The following CMC1 variants were observed in gnomAD, a reference collection of about 807,000 sequenced individuals.
CMC1 encodes COX assembly mitochondrial protein homolog.
Under a neutral mutation model 14.1 loss-of-function variants are expected in CMC1, and 14 were observed. The observed-to-expected ratio is 0.99, with a 90% confidence interval of 0.66 to 1.55. CMC1 has a LOEUF of 1.55. Ranked by LOEUF, CMC1 falls within the 40% of genes most tolerant of loss-of-function variation. The pLI is 0.00. For synonymous variants in CMC1, 50 were observed against 38.4 expected, an observed-to-expected ratio of 1.30 and a Z score of -1.12; for missense variants, 127 against 123.8, an observed-to-expected ratio of 1.03 and a Z score of -0.12.
rs1049269803 is a variant in CMC1, at chr3:28,319,132, G to A, written c.201-377G>A. On this transcript the variant is annotated intron_variant, in intron 3 of 3. Coordinates refer to ENST00000466830, the MANE Select transcript of CMC1 (RefSeq NM_182523.2). ...TTCTGTTGGTCTTTCAAAATACAAC[G>A]CAAGCATTTCCCCTTGAAACCTCTG... 4.3e-5 allele frequency: 17 copies of A among 397,088 alleles called. No individual in the cohort carries two copies. In the East Asian group the frequency reaches 5.1e-4, roughly 12 times the overall value. The allele number at this position is 397,088 out of a possible 1,614,324, so 24.6% of individuals were successfully genotyped here. A position where few individuals can be genotyped will look rare whatever the true frequency, so the allele number is the denominator to read the frequency against.
rs1018122363 is a variant in CMC1 at position 28,282,821 on chromosome 3, C to T, written c.109+19441C>T. ...AACCTTAAAACTTTGGTTTTAATGA[C>T]AATCAAATTCAAACCAGAACGAATT... is the stretch of plus-strand genomic sequence containing the variant. On this transcript the variant is annotated intron_variant, in intron 2 of 3. Coordinates refer to ENST00000466830, the MANE Select transcript of CMC1 (RefSeq NM_182523.2). Among the ~76,000 whole-genome samples, 40 of 152,152 alleles carry T rather than the reference C, an allele frequency of 2.6e-4. 1 individual carries two copies. The highest frequency in any genetic ancestry group is 9.7e-4 in the African/African-American group (40 of 41,424).
intron 2 of CMC1, among the ~76,000 whole-genome samples, chr3:28,314,762 C>A (rs1003923353): frequency 9.2e-5 from 14 of 151,912 alleles, no homozygotes; most frequent in African/African-American, 3.4e-4. Context: ...CCCAGCAAGG[C>A]CCCCCTAATG....
chr3:28,307,350 C>T (rs144712093), intron 2 of CMC1, among the ~76,000 whole-genome samples: 5 of 152,186 alleles, frequency 3.3e-5, no homozygotes, highest in African/African-American at 1.2e-4. Flanking sequence ...ATAGCAAGAC[C>T]TTGTCTCTAG....
rs1272448290 is a variant in CMC1, at chr3:28,320,147, A to T, written c.*518A>T. The T allele has an allele frequency of 6.6e-6, 1 of 152,444 alleles. No homozygotes were observed. Among genetic ancestry groups the T allele is most frequent in the Non-Finnish European group, 1.5e-5 (1 of 68,398 alleles). 9.4% of individuals were successfully genotyped at this position (152,444 alleles called of 1,614,324 possible). On this transcript the variant is annotated 3_prime_UTR_variant, in exon 4 of 4. Transcript: ENST00000466830. ...TATTGCATATAGCAGGTACACGTAC[A>T]GTGTATAAGACAGTGCTTCAGACCT...
intron 2 of CMC1, among the ~76,000 whole-genome samples, chr3:28,313,215 G>T (rs1426573734): frequency 6.6e-6 from 1 of 152,030 alleles, no homozygotes; most frequent in African/African-American, 2.4e-5. Flanking sequence ...GATAAATTAA[G>T]AGTTTACAAA....
chr3:28,269,141 T>C (rs1700146912), intron 2 of CMC1, among the ~76,000 whole-genome samples: 1 of 152,170 alleles, frequency 6.6e-6, no homozygotes, highest in Admixed American at 6.5e-5. Context: ...ATAAACATAG[T>C]ATACATAGGA....
chr3:28,278,591 C>G (rs1050191346), intron 2 of CMC1, among the ~76,000 whole-genome samples: 1 of 152,186 alleles, frequency 6.6e-6, no homozygotes, highest in Non-Finnish European at 1.5e-5. Flanking sequence ...ATAGACCACT[C>G]TCCCTCCAGA....
intron 2 of CMC1, among the ~76,000 whole-genome samples, chr3:28,273,038 C>A (rs1229873229): frequency 6.6e-6 from 1 of 152,146 alleles, no homozygotes; most frequent in Non-Finnish European, 1.5e-5. Context: ...ATACTGGCCT[C>A]ATAAAATGAG....
chr3:28,308,798 C>T (rs576782408), intron 2 of CMC1, among the ~76,000 whole-genome samples: 1 of 152,070 alleles, frequency 6.6e-6, no homozygotes. Flanking sequence ...TCCTGGCCAA[C>T]ATGGTGAAAC....
intron 2 of CMC1, among the ~76,000 whole-genome samples, chr3:28,313,179 T>C (rs1702725238): frequency 6.6e-6 from 1 of 152,148 alleles, no homozygotes; most frequent in Non-Finnish European, 1.5e-5. Flanking sequence ...TTACCAATAG[T>C]ATATGATATT....
intron 2 of CMC1, among the ~76,000 whole-genome samples, chr3:28,290,350 C>T (rs1701407940): frequency 6.6e-6 from 1 of 151,966 alleles, no homozygotes; most frequent in Non-Finnish European, 1.5e-5. Flanking sequence ...CTGCTTGTTG[C>T]CTAATAGATT....
At chr3:28,302,675 A>G (rs1450763782) in intron 2 of CMC1, among the ~76,000 whole-genome samples, 9 of 152,188 alleles carry the variant, frequency 5.9e-5, no homozygotes, top group Admixed American at 2.0e-4. Context: ...ATACTGGAAA[A>G]CAGTATGGAA....
Position 28,283,500 on chromosome 3 carries a change from C to CAG in CMC1, c.109+20128_109+20129dup, listed in dbSNP as rs200448151. Among the ~76,000 whole-genome samples the CAG allele has an allele frequency of 4.2e-3, 562 of 135,258 alleles. 8 individuals carry two copies. Among genetic ancestry groups the CAG allele is most frequent in the African/African-American group, 0.015 (542 of 35,936 alleles). 88.7% of individuals were successfully genotyped at this position (135,258 alleles called of 152,430 possible). A position where few individuals can be genotyped will look rare whatever the true frequency, so the allele number is the denominator to read the frequency against. On this transcript the variant is annotated intron_variant, in intron 2 of 3. Coordinates refer to ENST00000466830, the MANE Select transcript of CMC1 (RefSeq NM_182523.2). ...CACCATTGCATTCCAGCTTGAGCAA[C>CAG]AGAGAGAGACTCCATCTCAACAGCA...
At chr3:28,266,414 T>C (rs1036276830) in intron 2 of CMC1, among the ~76,000 whole-genome samples, 1 of 152,132 alleles carries the variant, frequency 6.6e-6, no homozygotes, top group African/African-American at 2.4e-5. Flanking sequence ...TGACAAATAG[T>C]GTTCATATTA....
At chr3:28,258,116 G>A (rs943201473) in intron 1 of CMC1, among the ~76,000 whole-genome samples, 1 of 144,040 alleles carries the variant, frequency 6.9e-6, no homozygotes, top group Non-Finnish European at 1.5e-5. Flanking sequence ...CTTTTGTGAT[G>A]TGTCCATTCA....
At chr3:28,241,873 C>T (rs1698537221) in intron 1 of CMC1, 61 bp downstream of exon 1, 7 of 1,232,364 alleles carry the variant, frequency 5.7e-6, no homozygotes, top group Admixed American at 4.2e-5. Flanking sequence ...CGCCGCGGGC[C>T]ATGCGGGCTG....
At chr3:28,283,913 T>C (rs1701039036) in intron 2 of CMC1, among the ~76,000 whole-genome samples, 1 of 152,210 alleles carries the variant, frequency 6.6e-6, no homozygotes, top group Non-Finnish European at 1.5e-5. Context: ...GTTCATTGAA[T>C]CCTAGATTGT....
intron 1 of CMC1, among the ~76,000 whole-genome samples, chr3:28,255,983 A>G (rs1254477302): frequency 6.6e-6 from 1 of 152,162 alleles, no homozygotes; most frequent in East Asian, 1.9e-4. Flanking sequence ...TGACTCTAGA[A>G]TTAGTAAAAA....
intron 1 of CMC1, among the ~76,000 whole-genome samples, chr3:28,259,301 A>C (rs1163421419): frequency 3.3e-5 from 5 of 152,122 alleles, no homozygotes; most frequent in Non-Finnish European, 5.9e-5. Context: ...AACAATTGAC[A>C]TTGGTGGAGA....
Sources: allele counts gnomAD v4.1 joint callset (sites outside exome capture counted in the v4.1 genomes callset), GRCh38; gene constraint gnomAD v4.1.1; transcripts MANE v1.5; gene names NCBI Gene and HGNC (gene_info 2026-07-23, HGNC 2026-07-21).